Variants in PJA2 observed in about 807,000 individuals in gnomAD.
PJA2 encodes praja ring finger ubiquitin ligase 2, also known as E3 ubiquitin-protein ligase Praja-2.
In PJA2, 25 loss-of-function variants were observed where a neutral mutation model predicts 69.3. The ratio of observed to expected loss-of-function variants is 0.36; its 90% CI spans 0.26 to 0.50. The LOEUF is 0.50. Ranked by LOEUF, PJA2 falls within the 20% of genes least tolerant of loss-of-function variation. The probability of loss-of-function intolerance (pLI) is 0.96; values close to 1 mark genes in which losing one functional copy is unlikely to be tolerated. For missense variants in PJA2, 809 were observed against 830.2 expected (o/e 0.97, Z 0.31); for synonymous variants, 308 against 277.8 (o/e 1.11, Z -1.08).
chr5:109,352,840 T>C (rs1456051834), intron 7 of PJA2, among the ~76,000 whole-genome samples: 1 of 150,730 alleles, frequency 6.6e-6, no homozygotes, highest in Non-Finnish European at 1.5e-5. Context: ...GACATCTATA[T>C]ATTAGATATC....
intron 4 of PJA2, among the ~76,000 whole-genome samples, chr5:109,370,652 AC>A (rs1227081526): frequency 2.0e-5 from 3 of 152,194 alleles, no homozygotes; most frequent in African/African-American, 7.2e-5. Flanking sequence ...CAATTTCTAG[AC>A]TTATATAAGT....
rs186712120 is a variant in PJA2, at chr5:109,372,866, T to C, written c.1284-4120A>G. Reference sequence around the variant, plus strand: ...GTTGTGGTGAGCCAAGATGGTACCATTGCACTCCAGCCTTGGCAACTAGAG... The same window carrying C: ...GTTGTGGTGAGCCAAGATGGTACCACTGCACTCCAGCCTTGGCAACTAGAG... On this transcript the variant is annotated intron_variant, in intron 4 of 9. Transcript: ENST00000361189. Among the ~76,000 whole-genome samples, 84 of 120,708 alleles carry C rather than the reference T, an allele frequency of 7.0e-4. 3 individuals are homozygous for C. In the East Asian group the frequency reaches 0.017, roughly 25 times the overall value. The allele number at this position is 120,708 out of a possible 152,430, so 79.2% of individuals were successfully genotyped here. A position where few individuals can be genotyped will look rare whatever the true frequency, so the allele number is the denominator to read the frequency against.
rs531624285 is a variant in PJA2, at chr5:109,361,657, A to C, written c.1652+1183T>G. 3.3e-5 allele frequency among the ~76,000 whole-genome samples: 5 copies of C among 152,340 alleles called. No homozygotes were observed. The South Asian group carries it at 1.0e-3, about 32-fold the overall frequency. Reference sequence around the variant, plus strand: ...AGAGAGACGTATCAAGATCAGCAAGACTGGGACTAGGTAAAGCCACTTATT... The same window carrying C: ...AGAGAGACGTATCAAGATCAGCAAGCCTGGGACTAGGTAAAGCCACTTATT... On this transcript the variant is annotated intron_variant, in intron 6 of 9. Coordinates refer to ENST00000361189, the MANE Select transcript of PJA2 (RefSeq NM_014819.5).
At chr5:109,395,991 A>G (rs903581219) in intron 1 of PJA2, among the ~76,000 whole-genome samples, 3 of 140,252 alleles carry the variant, frequency 2.1e-5, no homozygotes. Flanking sequence ...GAAGAGCGAA[A>G]CTCTATCTCA....
At chr5:109,343,281 AAAAAAAAAAAAG>A (rs1209907906) in intron 9 of PJA2, among the ~76,000 whole-genome samples, 1 of 92,166 alleles carries the variant, frequency 1.1e-5, no homozygotes, top group Non-Finnish European at 2.2e-5. Context: ...TGCAAAAAAA[AAAAAAAAAAAAG>A]AAAGAAAGAA....
intron 7 of PJA2, among the ~76,000 whole-genome samples, chr5:109,353,803 T>C (rs1192701134): frequency 3.9e-4 from 53 of 134,216 alleles, no homozygotes; most frequent in Admixed American, 5.4e-4. Flanking sequence ...TATCTAGAGA[T>C]ATCTATAGAT....
chr5:109,350,679 T>C lies in PJA2; in HGVS notation c.1764+5236A>G, dbSNP rs187075842. Reference sequence around the variant, plus strand: ...GGTAGATTTTATTATTCCCATTTTGTAAATGAAGACGCTAAAGCTCAGAGA... The same window carrying C: ...GGTAGATTTTATTATTCCCATTTTGCAAATGAAGACGCTAAAGCTCAGAGA... On this transcript the variant is annotated intron_variant, in intron 7 of 9. Coordinates refer to ENST00000361189, the MANE Select transcript of PJA2 (RefSeq NM_014819.5). 3.9e-5 allele frequency among the ~76,000 whole-genome samples: 6 copies of C among 152,282 alleles called. No individual in the cohort carries two copies. The East Asian group carries it at 1.2e-3, about 29-fold the overall frequency.
intron 7 of PJA2, among the ~76,000 whole-genome samples, chr5:109,351,354 A>C (rs974311154): frequency 1.3e-5 from 2 of 152,140 alleles, no homozygotes; most frequent in Non-Finnish European, 2.9e-5. Context: ...ATAACTGGGA[A>C]AGGAAAATGC....
intron 6 of PJA2, among the ~76,000 whole-genome samples, chr5:109,362,387 A>C (rs1188444588): frequency 7.2e-6 from 1 of 138,810 alleles, no homozygotes; most frequent in Non-Finnish European, 1.5e-5. Context: ...TCTCCTGGAA[A>C]GTAAAATTTT....
At position 109,359,341 on chromosome 5, in the gene PJA2, G is replaced by A. The variant is rs557848842; in HGVS notation, c.1653-3315C>T. On this transcript the variant is annotated intron_variant, in intron 6 of 9. Coordinates refer to ENST00000361189, the MANE Select transcript of PJA2 (RefSeq NM_014819.5). Reference sequence around the variant, plus strand: ...AACCTTCTGAAGAGTCAAAAGTTACGCTTGGATTTTCTAGTGCACAGGGAT... The same window carrying A: ...AACCTTCTGAAGAGTCAAAAGTTACACTTGGATTTTCTAGTGCACAGGGAT... Among the ~76,000 whole-genome samples, 8 of 152,262 alleles carry A rather than the reference G, an allele frequency of 5.3e-5. No individual in the cohort carries two copies. In the East Asian group the frequency reaches 5.8e-4, roughly 11 times the overall value.
intron 5 of PJA2, among the ~76,000 whole-genome samples, chr5:109,364,022 A>C (rs932550319): frequency 6.6e-6 from 1 of 152,062 alleles, no homozygotes; most frequent in Non-Finnish European, 1.5e-5. Context: ...GTGCATGCCT[A>C]ATTCCATCTA....
At position 109,380,804 on chromosome 5, in the gene PJA2, C is replaced by CAAAAAAA. The variant is rs34675958; in HGVS notation, c.232+692_232+698dup. ...TGGATGACAAAGTAAGATTCCATCTCAAAAAAAAAAAAAAAAAAAGAACGC... is the reference window on the plus strand; with the variant it reads ...TGGATGACAAAGTAAGATTCCATCTCAAAAAAAAAAAAAAAAAAAAAAAAAAGAACGC... On this transcript the variant is annotated intron_variant, in intron 3 of 9. Transcript: ENST00000361189. Among the ~76,000 whole-genome samples the CAAAAAAA allele has an allele frequency of 3.8e-4, 34 of 88,708 alleles. 1 individual carries two copies. The highest frequency in any genetic ancestry group is 5.9e-4 in the Non-Finnish European group (29 of 49,132). 58.2% of individuals were successfully genotyped at this position (88,708 alleles called of 152,430 possible).
intron 7 of PJA2, among the ~76,000 whole-genome samples, chr5:109,354,263 T>C (rs1762356481): frequency 6.7e-6 from 1 of 148,188 alleles, no homozygotes; most frequent in East Asian, 2.1e-4. Context: ...ATCTATGATG[T>C]CTAGAGATAT....
rs149888388 is a variant in PJA2, at chr5:109,362,568, G to A, written c.1652+272C>T. 2.2e-3 allele frequency among the ~76,000 whole-genome samples: 329 copies of A among 152,142 alleles called. 2 individuals are homozygous for A. The highest frequency in any genetic ancestry group is 7.7e-3 in the African/African-American group (318 of 41,510). ...GGGCATATAAAGCAAAATTTTAAAC[G>A]TCAGAAATCCAAAACTAAAAAAAAG... On this transcript the variant is annotated intron_variant, in intron 6 of 9. Coordinates refer to ENST00000361189, the MANE Select transcript of PJA2 (RefSeq NM_014819.5).
chr5:109,409,609 T>G (rs1021845821), intron 1 of PJA2, among the ~76,000 whole-genome samples: 2 of 151,560 alleles, frequency 1.3e-5, no homozygotes, highest in Non-Finnish European at 2.9e-5. Flanking sequence ...CCGTCCCGGA[T>G]AGGAGCGCGG....
chr5:109,403,031 G>A (rs1747596269), intron 1 of PJA2, among the ~76,000 whole-genome samples: 8 of 151,132 alleles, frequency 5.3e-5, no homozygotes, highest in Admixed American at 5.3e-4. Context: ...GAAATAGTAA[G>A]AAGCAGAAAT....
chr5:109,382,985 T>G (rs570749884), intron 2 of PJA2, among the ~76,000 whole-genome samples: 1 of 151,934 alleles, frequency 6.6e-6, no homozygotes, highest in African/African-American at 2.4e-5. Context: ...ACATATCGAG[T>G]ATAAATAATA....
At chr5:109,353,395 T>C (rs1423601261) in intron 7 of PJA2, among the ~76,000 whole-genome samples, 2 of 137,124 alleles carry the variant, frequency 1.5e-5, no homozygotes, top group Non-Finnish European at 3.1e-5. Context: ...CATCTATATA[T>C]TAGATACCTA....
chr5:109,356,664 T>C (rs1375337812), intron 6 of PJA2, among the ~76,000 whole-genome samples: 1 of 152,218 alleles, frequency 6.6e-6, no homozygotes, highest in African/African-American at 2.4e-5. Flanking sequence ...ACCATATTTA[T>C]TTTAATTCTA....
Sources: gnomAD v4.1 joint callset for allele counts (sites outside exome capture counted in the v4.1 genomes callset) on GRCh38, gnomAD v4.1.1 for gene constraint, MANE v1.5 for transcripts, NCBI Gene and HGNC (gene_info 2026-07-23, HGNC 2026-07-21) for gene names.